Variants in CHRM2 observed in about 807,000 individuals in gnomAD.
CHRM2 encodes muscarinic acetylcholine receptor M2.
A neutral mutation model predicts 25.0 loss-of-function variants in CHRM2; 8 were observed. The observed-to-expected ratio is 0.32, with a 90% CI of 0.19 to 0.58. The LOEUF (loss-of-function observed/expected upper bound fraction) is 0.58. Among genes scored for constraint, CHRM2 ranks in the 20% least tolerant of loss-of-function variants. The probability of loss-of-function intolerance (pLI) is 0.88; values close to 1 mark genes in which losing one functional copy is unlikely to be tolerated. For missense variants in CHRM2, 440 were observed against 567.1 expected, an observed-to-expected ratio of 0.78 and a Z score of 2.28; for synonymous variants, 202 against 205.7, an observed-to-expected ratio of 0.98 and a Z score of 0.15.
At chr7:136,978,930 T>G (rs186408180) in intron 2 of CHRM2, among the ~76,000 whole-genome samples, 1 of 152,194 alleles carries the variant, frequency 6.6e-6, no homozygotes, top group Non-Finnish European at 1.5e-5. Context: ...TGTGTCTGTA[T>G]AGTAGAATGA....
chr7:136,993,928 C>T (rs1803399855), intron 3 of CHRM2, among the ~76,000 whole-genome samples: 3 of 152,244 alleles, frequency 2.0e-5, no homozygotes, highest in South Asian at 4.1e-4. Flanking sequence ...CCAATTGCCT[C>T]GTACATTCAA....
chr7:136,912,962 G>A (rs1251616212), intron 2 of CHRM2, among the ~76,000 whole-genome samples: 3 of 151,800 alleles, frequency 2.0e-5, no homozygotes, highest in African/African-American at 7.3e-5. Flanking sequence ...ATAACCCTCA[G>A]TAAGTGTTAT....
At chr7:136,873,191 C>T (rs751033275) in intron 2 of CHRM2, among the ~76,000 whole-genome samples, 5 of 152,304 alleles carry the variant, frequency 3.3e-5, no homozygotes, top group Non-Finnish European at 7.4e-5. Flanking sequence ...CCACTCTGTC[C>T]ACCTTTGGTT....
rs751540604 is a variant in CHRM2, at chr7:137,015,685, T to C, written c.820T>C (p.Cys274Arg). Residue 274 changes from cysteine to arginine, a missense_variant, in exon 4 of 4, where the codon TGT becomes CGT. Physicochemically the swap from Cys to Arg is radical, Grantham distance 180. This residue lies in a region of CHRM2 where 261 missense variants were observed against 261.8 expected (regional missense o/e 1.00). Coordinates refer to ENST00000680005, the MANE Select transcript of CHRM2 (RefSeq NM_001006630.2). This position sits in a 1 kb window ranked among gnomAD's most constrained non-coding sequence, Gnocchi z 5.1. ...CCCCAGGGATCCTGTGACTGAAAAC[T>C]GTGTTCAGGGAGAGGAGAAGGAGAG... is the stretch of plus-strand genomic sequence containing the variant. The part of the protein sequence containing the change: ...KAPRDPVTEN[C>R]VQGEEKESSN... 6.2e-7 allele frequency: 1 copy of C among 1,613,016 alleles called. No individual in the cohort carries two copies. Among genetic ancestry groups the C allele is most frequent in the Non-Finnish European group, 8.5e-7 (1 of 1,179,524 alleles).
At chr7:136,889,546 C>A (rs557847373) in intron 2 of CHRM2, among the ~76,000 whole-genome samples, 1 of 152,146 alleles carries the variant, frequency 6.6e-6, no homozygotes, top group African/African-American at 2.4e-5. Flanking sequence ...TGCACCACAC[C>A]TTTCCACAAA....
intron 3 of CHRM2, among the ~76,000 whole-genome samples, chr7:137,002,567 TAGGAAG>T (rs1233261675): frequency 6.6e-6 from 1 of 152,192 alleles, no homozygotes; most frequent in Non-Finnish European, 1.5e-5. Context: ...ACCATTGGGT[TAGGAAG>T]AGGATTAGTC....
intron 2 of CHRM2, among the ~76,000 whole-genome samples, chr7:136,978,610 C>A (rs934377456): frequency 1.3e-5 from 2 of 152,120 alleles, no homozygotes; most frequent in African/African-American, 2.4e-5. Context: ...TTGACCCACA[C>A]CCCCCGACAG....
intron 3 of CHRM2, among the ~76,000 whole-genome samples, chr7:137,014,570 C>T (rs576437333): frequency 1.3e-5 from 2 of 152,026 alleles, no homozygotes; most frequent in East Asian, 3.9e-4. Flanking sequence ...GATAGATACT[C>T]ATATCTGGAT....
At chr7:136,960,873 C>G (rs751490127) in intron 2 of CHRM2, among the ~76,000 whole-genome samples, 5 of 152,184 alleles carry the variant, frequency 3.3e-5, no homozygotes, top group Non-Finnish European at 7.3e-5. Flanking sequence ...CACCTGTAAT[C>G]CTAGCACTTT....
rs117579639 is a variant in CHRM2, at chr7:136,942,957, C to T, written c.-124-49230C>T. Among the ~76,000 whole-genome samples, 737 of 152,170 alleles carry T rather than the reference C, an allele frequency of 4.8e-3. 3 individuals carry two copies. Among genetic ancestry groups the T allele is most frequent in the Non-Finnish European group, 7.8e-3 (531 of 68,010 alleles). ...TTCTGTGCTAGGAATTGCGTATGGA[C>T]TCACATTTCCATTTTAATCATAGCT... On this transcript the variant is annotated intron_variant, in intron 2 of 3. Transcript: ENST00000680005.
rs146093146 is a variant in CHRM2, at chr7:137,011,194, C to CGTGT, written c.-46-3607_-46-3604dup. ...ACAGAACCAATAGGATATATGTGTA[C>CGTGT]GTGTGTGTGTGTGTGTGTGTGTATA... On this transcript the variant is annotated intron_variant, in intron 3 of 3. Transcript: ENST00000680005. 4.3e-3 allele frequency among the ~76,000 whole-genome samples: 592 copies of CGTGT among 136,420 alleles called. 7 individuals are homozygous for CGTGT. The highest frequency in any genetic ancestry group is 0.017 in the African/African-American group (553 of 32,224). 89.5% of individuals were successfully genotyped at this position (136,420 alleles called of 152,430 possible).
At chr7:136,874,619 G>A (rs1439837279) in intron 2 of CHRM2, among the ~76,000 whole-genome samples, 1 of 129,844 alleles carries the variant, frequency 7.7e-6, no homozygotes, top group Non-Finnish European at 1.5e-5. Flanking sequence ...ACTGAATGAT[G>A]CCCTCTGGTG....
At chr7:136,922,117 G>C (rs576986595) in intron 2 of CHRM2, among the ~76,000 whole-genome samples, 4 of 152,200 alleles carry the variant, frequency 2.6e-5, no homozygotes, top group African/African-American at 7.2e-5. Flanking sequence ...AGCCTCAACT[G>C]ACCCCTGGGA....
chr7:137,010,582 G>T (rs1176583016), intron 3 of CHRM2, among the ~76,000 whole-genome samples: 2 of 151,952 alleles, frequency 1.3e-5, no homozygotes, highest in Non-Finnish European at 2.9e-5. Flanking sequence ...GAAGAGGAAC[G>T]ATTCCACATG....
intron 2 of CHRM2, among the ~76,000 whole-genome samples, chr7:136,959,765 G>T (rs1460990524): frequency 1.3e-5 from 2 of 152,130 alleles, no homozygotes; most frequent in Non-Finnish European, 1.5e-5. Context: ...TACAAAATTA[G>T]CTGGGCCTGG....
chr7:136,946,723 A>AAATC (rs1173188944), intron 2 of CHRM2, among the ~76,000 whole-genome samples: 1 of 152,212 alleles, frequency 6.6e-6, no homozygotes, highest in African/African-American at 2.4e-5. Flanking sequence ...ATACATTTGT[A>AAATC]AATCACTTGA....
chr7:136,919,354 T>G (rs562696758), intron 2 of CHRM2, among the ~76,000 whole-genome samples: 1 of 152,230 alleles, frequency 6.6e-6, no homozygotes, highest in East Asian at 1.9e-4. Context: ...TATCATACAT[T>G]CTAAAGCTCT....
At chr7:137,012,628 G>A (rs62487066) in intron 3 of CHRM2, among the ~76,000 whole-genome samples, 1 of 151,842 alleles carries the variant, frequency 6.6e-6, no homozygotes, top group East Asian at 1.9e-4. Flanking sequence ...TTTACTAGCC[G>A]CATAATATTC....
intron 2 of CHRM2, among the ~76,000 whole-genome samples, chr7:136,931,276 A>G (rs563042182): frequency 1.3e-5 from 2 of 152,218 alleles, no homozygotes; most frequent in South Asian, 4.1e-4. Context: ...ACAAAGACAG[A>G]TAGAGATTTG....
Sources: gnomAD v4.1 joint callset for allele counts (sites outside exome capture counted in the v4.1 genomes callset) on GRCh38, gnomAD v4.1.1 for gene constraint, gnomAD v4.1.1 regional missense constraint, Gnocchi (gnomAD v3.1) non-coding constraint, MANE v1.5 for transcripts, NCBI Gene and HGNC (gene_info 2026-07-23, HGNC 2026-07-21) for gene names.